KIF3C: variants seen among roughly 807,000 people sequenced by gnomAD.
KIF3C encodes kinesin-like protein KIF3C.
In KIF3C, 12 loss-of-function variants were observed where a neutral mutation model predicts 67.7. The ratio of observed to expected loss-of-function variants is 0.18; its 90% CI spans 0.11 to 0.29. The LOEUF is 0.29. Among genes scored for constraint, KIF3C ranks in the 10% least tolerant of loss-of-function variants. The pLI is 1.00. For synonymous variants in KIF3C, 393 were observed against 426.2 expected, an observed-to-expected ratio of 0.92 and a Z score of 0.96; for missense variants, 789 against 1,059.6, an observed-to-expected ratio of 0.74 and a Z score of 3.55.
chr2:25,935,655 C>A (rs768801961), intron 5 of KIF3C, among the ~76,000 whole-genome samples: 1 of 152,136 alleles, frequency 6.6e-6, no homozygotes, highest in Non-Finnish European at 1.5e-5. Flanking sequence ...AGCCACTGTG[C>A]CTGGCCCTGA....
intron 5 of KIF3C, among the ~76,000 whole-genome samples, chr2:25,950,259 C>A (rs898318476): frequency 3.3e-5 from 5 of 150,854 alleles, no homozygotes; most frequent in Non-Finnish European, 7.4e-5. Flanking sequence ...CTCTTGTTGC[C>A]CAGGCTGGAG....
intron 4 of KIF3C, among the ~76,000 whole-genome samples, chr2:25,953,599 A>G (rs1259678274): frequency 6.6e-6 from 1 of 151,224 alleles, no homozygotes. Context: ...TGACCTCGTG[A>G]TCCACCTGCC....
At chr2:25,938,208 C>A in intron 5 of KIF3C, 2 of 418,470 alleles carry the variant, frequency 4.8e-6, no homozygotes, top group Non-Finnish European at 9.5e-6. Context: ...ACCAAAAATA[C>A]AAAAATTAGC....
rs373300413 is a variant in KIF3C, at chr2:25,955,533, C to T, written c.1770+8G>A. ...CACACCTTAACCGGTCCTGCTGCAG[C>T]GTCTCACCTTCTTGAGTTTCTTGGT... On this transcript the variant is annotated splice_region_variant and intron_variant, in intron 3 of 7. Transcript: ENST00000264712. This position sits in a 1 kb window ranked among gnomAD's most constrained non-coding sequence, Gnocchi z 5.0. 65 of 1,613,762 alleles carry T rather than the reference C, an allele frequency of 4.0e-5. No homozygotes were observed. The highest frequency in any genetic ancestry group is 6.7e-5 in the Admixed American group (4 of 59,990).
rs1421295101 is a variant in KIF3C, at chr2:25,928,878, TGCACGCACACGCACAC to T, written c.*84_*99del. 62 of 936,990 alleles carry T rather than the reference TGCACGCACACGCACAC, an allele frequency of 6.6e-5. 1 individual carries two copies. Among genetic ancestry groups the T allele is most frequent in the Admixed American group, 1.2e-4 (6 of 48,440 alleles). The allele number at this position is 936,990 out of a possible 1,614,324, so 58.0% of individuals were successfully genotyped here. Reference sequence around the variant, plus strand: ...ACCCCTGCACACACGCACACGCACATGCACGCACACGCACACGCACCAAGCGGCAGATGAGATGAGC... The same window carrying T: ...ACCCCTGCACACACGCACACGCACATGCACCAAGCGGCAGATGAGATGAGC... On this transcript the variant is annotated 3_prime_UTR_variant, in exon 8 of 8. Transcript: ENST00000264712.
At chr2:25,932,354 G>A (rs1412634220) in intron 5 of KIF3C, among the ~76,000 whole-genome samples, 2 of 150,586 alleles carry the variant, frequency 1.3e-5, no homozygotes, top group African/African-American at 4.9e-5. Flanking sequence ...GGCCAGGCTG[G>A]TCTCAAACTC....
intron 1 of KIF3C, among the ~76,000 whole-genome samples, chr2:25,957,723 A>G (rs760834544): frequency 1.3e-5 from 2 of 152,222 alleles, no homozygotes; most frequent in African/African-American, 2.4e-5. Context: ...AGGGGTTAAC[A>G]GTGGCTTTTG....
intron 5 of KIF3C, among the ~76,000 whole-genome samples, chr2:25,946,962 G>A (rs1333224069): frequency 2.6e-5 from 4 of 152,128 alleles, no homozygotes; most frequent in African/African-American, 9.7e-5. Context: ...GACCAGCCTG[G>A]CCAACATGGT....
In KIF3C at chr2:25,952,556, TATATA is replaced by T. The variant is rs200041909; in HGVS notation, c.1890-656_1890-652del. Among the ~76,000 whole-genome samples the T allele has an allele frequency of 3.0e-3, 264 of 88,320 alleles. 5 individuals are homozygous for T. The East Asian group carries it at 0.29, about 96-fold the overall frequency. The allele number at this position is 88,320 out of a possible 152,430, so 57.9% of individuals were successfully genotyped here. On this transcript the variant is annotated intron_variant, in intron 4 of 7. Transcript: ENST00000264712. ...GTGTGTGTGTGTGTGTGTGTATATATATATATATTTTTTTTTTTTTGAGACAGTTT... is the reference window on the plus strand; with the variant it reads ...GTGTGTGTGTGTGTGTGTGTATATATTATTTTTTTTTTTTTGAGACAGTTT...
chr2:25,970,244 G>C (rs1429602065), intron 1 of KIF3C, among the ~76,000 whole-genome samples: 3 of 152,134 alleles, frequency 2.0e-5, no homozygotes, highest in Non-Finnish European at 4.4e-5. Context: ...TCGTAACTCT[G>C]GCCCTACCAC....
At chr2:25,944,877 T>C (rs2149227750) in intron 5 of KIF3C, among the ~76,000 whole-genome samples, 1 of 152,084 alleles carries the variant, frequency 6.6e-6, no homozygotes, top group African/African-American at 2.4e-5. Flanking sequence ...ACGCCTGTAA[T>C]CCCAGCACTT....
In KIF3C at chr2:25,927,945, G is replaced by T. The variant is rs989468568; in HGVS notation, c.*1033C>A. ...CTTAAAGATGCAATTCAGAAACAGG[G>T]GTAACAGGCAAAGCTGGAAAAGATT... is the stretch of plus-strand genomic sequence containing the variant. On this transcript the variant is annotated 3_prime_UTR_variant, in exon 8 of 8. Coordinates refer to ENST00000264712, the MANE Select transcript of KIF3C (RefSeq NM_002254.8). 6.6e-6 allele frequency: 1 copy of T among 152,534 alleles called. No individual in the cohort carries two copies. The highest frequency in any genetic ancestry group is 2.4e-5 in the African/African-American group (1 of 41,406). The allele number at this position is 152,534 out of a possible 1,614,324, so 9.4% of individuals were successfully genotyped here. A position where few individuals can be genotyped will look rare whatever the true frequency, so the allele number is the denominator to read the frequency against.
intron 5 of KIF3C, among the ~76,000 whole-genome samples, chr2:25,942,314 C>A (rs1191889837): frequency 6.6e-6 from 1 of 151,850 alleles, no homozygotes; most frequent in African/African-American, 2.4e-5. Context: ...GCTGAGATCA[C>A]GCCATTGCAC....
intron 5 of KIF3C, among the ~76,000 whole-genome samples, chr2:25,940,526 C>T (rs1217631973): frequency 1.3e-5 from 2 of 149,412 alleles, no homozygotes; most frequent in South Asian, 2.2e-4. Context: ...GCTGAGATCA[C>T]GCCACTGTAC....
rs546461032 is a variant in KIF3C, at chr2:25,952,014, G to A, written c.1890-109C>T. 1.9e-4 allele frequency: 146 copies of A among 753,522 alleles called. No individual in the cohort carries two copies. In the African/African-American group the frequency reaches 2.0e-3, roughly 11 times the overall value. The allele number at this position is 753,522 out of a possible 1,614,324, so 46.7% of individuals were successfully genotyped here. On this transcript the variant is annotated intron_variant, in intron 4 of 7. Coordinates refer to ENST00000264712, the MANE Select transcript of KIF3C (RefSeq NM_002254.8). ...AACAAGCCAAGAGGCAGAGGGGGCT[G>A]GGCACGGTGGCTCACGCCTGTAATC...
Position 25,928,774 on chromosome 2 carries a change from A to T in KIF3C, c.*204T>A, listed in dbSNP as rs2072695. Reference sequence around the variant, plus strand: ...GCGAGGGCATCTCCCCAACACGAACAGAGCTCCGCGAATAAATAACATGAA... The same window carrying T: ...GCGAGGGCATCTCCCCAACACGAACTGAGCTCCGCGAATAAATAACATGAA... On this transcript the variant is annotated 3_prime_UTR_variant, in exon 8 of 8. Transcript: ENST00000264712. 375,649 of 529,452 alleles carry T rather than the reference A, an allele frequency of 0.71. 140,754 individuals carry two copies. Among genetic ancestry groups the T allele is most frequent in the Non-Finnish European group, 0.79 (235,455 of 296,668 alleles). The allele number at this position is 529,452 out of a possible 1,614,324, so 32.8% of individuals were successfully genotyped here.
At chr2:25,935,651 T>C (rs1371327958) in intron 5 of KIF3C, among the ~76,000 whole-genome samples, 1 of 152,168 alleles carries the variant, frequency 6.6e-6, no homozygotes, top group African/African-American at 2.4e-5. Context: ...TATGAGCCAC[T>C]GTGCCTGGCC....
rs374545742 is a variant in KIF3C at position 25,956,405 on chromosome 2, T to C, written c.1585A>G (p.Met529Val). The change falls in exon 2 of 8, where the codon ATG (methionine) becomes GTG (valine). Residue 529 changes from methionine to valine, a missense_variant. By Grantham distance (21) the Met-to-Val change is conservative (BLOSUM62 1). Coordinates refer to ENST00000264712, the MANE Select transcript of KIF3C (RefSeq NM_002254.8). ...TTCTGCTGTTCGTTGGTGTGATCCA[T>C]GATGTTCCTGCCCCCGATGAGGAGC... ...SKLLIGGRNI[M>V]DHTNEQQKML... is the part of the protein sequence containing the mutation. 1.4e-5 allele frequency: 22 copies of C among 1,614,150 alleles called. No individual in the cohort carries two copies. Among genetic ancestry groups the C allele is most frequent in the Admixed American group, 5.0e-5 (3 of 60,028 alleles).
At chr2:25,948,719 A>AGG (rs1663515337) in intron 5 of KIF3C, among the ~76,000 whole-genome samples, 1 of 141,686 alleles carries the variant, frequency 7.1e-6, no homozygotes, top group Admixed American at 7.1e-5. Flanking sequence ...AGGAAGGGAA[A>AGG]GAAAGAAGAA....
Sources: gnomAD v4.1 joint callset for allele counts (sites outside exome capture counted in the v4.1 genomes callset) on GRCh38, gnomAD v4.1.1 for gene constraint, Gnocchi (gnomAD v3.1) non-coding constraint, MANE v1.5 for transcripts, NCBI Gene and HGNC (gene_info 2026-07-23, HGNC 2026-07-21) for gene names.